The following ASMTL variants were observed in gnomAD, a reference collection of about 807,000 sequenced individuals.
ASMTL encodes the protein probable bifunctional dTTP/UTP pyrophosphatase/methyltransferase protein.
A neutral mutation model predicts 60.3 loss-of-function variants in ASMTL; 57 were observed. That is an observed-to-expected ratio of 0.95 (90% CI 0.76 to 1.18). The LOEUF (loss-of-function observed/expected upper bound fraction) is 1.18, where lower values mean the gene tolerates loss of function less well. Ranked by LOEUF, ASMTL falls within the 50% of genes most tolerant of loss-of-function variation. The pLI, the probability that ASMTL is intolerant of heterozygous loss-of-function variation, is 0.00. For synonymous variants in ASMTL, 419 were observed against 373.0 expected (o/e 1.12, Z -1.42); for missense variants, 981 against 852.6 (o/e 1.15, Z -1.88).
intron 10 of ASMTL, among the ~76,000 whole-genome samples, chrX:1,418,668 C>T (rs1356685046): frequency 2.0e-5 from 3 of 152,092 alleles, no homozygotes; most frequent in African/African-American, 7.2e-5. Context: ...CTGTCCAGGG[C>T]TGGGGTGGGG....
chrX:1,443,931 C>A (rs1423774215), intron 1 of ASMTL, among the ~76,000 whole-genome samples: 2 of 152,236 alleles, frequency 1.3e-5, no homozygotes. Flanking sequence ...GGACAGACAC[C>A]CCCGTCTTGG....
intron 8 of ASMTL, among the ~76,000 whole-genome samples, chrX:1,422,664 G>A (rs773552492): frequency 1.3e-5 from 2 of 152,020 alleles, no homozygotes; most frequent in Admixed American, 6.6e-5. Flanking sequence ...GCACCACTCC[G>A]GTCCTCCTAT....
chrX:1,418,083 C>T lies in ASMTL; in HGVS notation c.1412G>A (p.Arg471His), dbSNP rs187732189. ...CTGALARELAREYPRMQVTVF... is the reference protein window; with the variant it reads ...CTGALARELAHEYPRMQVTVF... ...AGTCACCTGCATACGAGGGTACTCACGGGCCAGCTCTCGGGCCAGTGCACC... is the reference window on the plus strand; with the variant it reads ...AGTCACCTGCATACGAGGGTACTCATGGGCCAGCTCTCGGGCCAGTGCACC... The change falls in exon 11 of 13, where the codon CGT becomes CAT. Residue 471 changes from arginine to histidine, a missense_variant. By Grantham distance (29) the Arg-to-His change is conservative (BLOSUM62 0). Coordinates refer to ENST00000381317, the MANE Select transcript of ASMTL (RefSeq NM_004192.4). 1,194 of 1,611,558 alleles carry T rather than the reference C, an allele frequency of 7.4e-4. 5 individuals carry two copies. The East Asian group carries it at 0.012, about 16-fold the overall frequency.
rs752524232 is a variant in ASMTL, at chrX:1,427,837, G to A, written c.794C>T (p.Ala265Val). ...SRDEKAEAGE[A>V]GQATAEAECH... is the part of the protein sequence containing the mutation. ...CTCAGCCTCTGCCGTGGCCTGTCCC[G>A]CCTCTCCCGCCTCGGCCTTCTCATC... Residue 265 changes from alanine (A) to valine (V), a missense_variant, in exon 7 of 13, where the codon GCG (alanine) becomes GTG (valine). Transcript: ENST00000381317. 2.6e-5 allele frequency: 42 copies of A among 1,613,094 alleles called. 1 individual carries two copies. The Admixed American group carries it at 5.3e-4, about 20-fold the overall frequency.
chrX:1,443,828 G>A (rs373084984), intron 1 of ASMTL, among the ~76,000 whole-genome samples: 7 of 143,714 alleles, frequency 4.9e-5, no homozygotes, highest in East Asian at 2.2e-4. Context: ...GACACACACC[G>A]CCATTTTGGC....
At chrX:1,428,209 G>A in intron 6 of ASMTL, 88 bp from the exon 7 acceptor site, 1 of 1,475,704 alleles carries the variant, frequency 6.8e-7, no homozygotes, top group South Asian at 1.3e-5. Flanking sequence ...GGAGGTGGGT[G>A]GATCACGAGG....
At chrX:1,416,582 CACAG>C (rs1427738390) in intron 11 of ASMTL, among the ~76,000 whole-genome samples, 3 of 107,338 alleles carry the variant, frequency 2.8e-5, no homozygotes, top group Admixed American at 9.9e-5. Context: ...GACGCAGACA[CACAG>C]ACATACACAC....
intron 10 of ASMTL, 126 bp from the exon 11 acceptor site, chrX:1,418,242 A>G: frequency 2.6e-6 from 3 of 1,174,042 alleles, no homozygotes; most frequent in East Asian, 5.2e-5. Flanking sequence ...TGGAAGGGAA[A>G]GCCAGTGGTG....
chrX:1,425,853 T>C (rs5989885), intron 7 of ASMTL, 166 bp from the exon 8 acceptor site: 142,483 of 207,540 alleles, frequency 0.69, 50,018 homozygotes, highest in South Asian at 0.86. Context: ...TCCCCAGCTA[T>C]AAAACAAGGT....
intron 2 of ASMTL, among the ~76,000 whole-genome samples, chrX:1,440,150 G>A (rs58981366): frequency 0.11 from 17,136 of 150,332 alleles, 1,013 homozygotes; most frequent in African/African-American, 0.16. Context: ...GCAGTGGCGC[G>A]ACCTCGGCTC....
intron 9 of ASMTL, among the ~76,000 whole-genome samples, chrX:1,421,429 C>G: frequency 6.6e-6 from 1 of 152,088 alleles, no homozygotes; most frequent in African/African-American, 2.4e-5. Flanking sequence ...GGAGGAAATT[C>G]TATTTTCATC....
rs113030561 is a variant in ASMTL at position 1,410,329 on chromosome X, C to G, written c.1645+2403G>C. Among the ~76,000 whole-genome samples the G allele has an allele frequency of 9.8e-4, 139 of 142,144 alleles. 1 individual carries two copies. Among genetic ancestry groups the G allele is most frequent in the Admixed American group, 2.2e-3 (30 of 13,556 alleles). 93.3% of individuals were successfully genotyped at this position (142,144 alleles called of 152,430 possible). ...GCTGAGGCAGGAGGATCGCTTGAGC[C>G]CAGGAGGTCAAGGCTGCAGTGAACT... is the stretch of plus-strand genomic sequence containing the variant. On this transcript the variant is annotated intron_variant, in intron 12 of 12. Transcript: ENST00000381317.
At chrX:1,416,749 GCACA>G (rs1244524446) in intron 11 of ASMTL, among the ~76,000 whole-genome samples, 2 of 128,700 alleles carry the variant, frequency 1.6e-5, no homozygotes, top group African/African-American at 2.9e-5. Context: ...AGTCAGTCAT[GCACA>G]CACAGACACA....
At chrX:1,420,163 CTA>C (rs1417746290) in intron 9 of ASMTL, among the ~76,000 whole-genome samples, 4 of 151,776 alleles carry the variant, frequency 2.6e-5, no homozygotes, top group East Asian at 1.9e-4. Flanking sequence ...TTCTGTCTCC[CTA>C]TCTCTGTCTC....
At position 1,421,760 on chromosome X, in the gene ASMTL, A is replaced by G; in HGVS notation, c.1143T>C (p.Asn381=). 6.2e-7 allele frequency: 1 copy of G among 1,613,868 alleles called. No individual in the cohort carries two copies. The highest frequency in any genetic ancestry group is 8.5e-7 in the Non-Finnish European group (1 of 1,179,832). Residue 381 remains asparagine (N), a synonymous_variant, in exon 9 of 13, where the codon AAT becomes AAC. Transcript: ENST00000381317. ...ATGTAAAGAGGTTCCATGTGAGGTC[A>G]TTATTGTGCATGATGAAGCCGTGCA... ...YSLHGFIMHN[N]DLTWNLFTYL...
At chrX:1,453,517 C>T (rs1226578489), upstream of ASMTL, 42 of 155,530 alleles carry the variant, frequency 2.7e-4, no homozygotes, top group Non-Finnish European at 4.1e-4. Context: ...GAAAGGCTGG[C>T]GTGGATACTT....
At chrX:1,416,770 C>T (rs2090292905) in intron 11 of ASMTL, among the ~76,000 whole-genome samples, 1 of 78,738 alleles carries the variant, frequency 1.3e-5, no homozygotes. Flanking sequence ...CACATGCACA[C>T]ACAGACGTAC....
chrX:1,407,050 A>AC (rs2089884031), intron 12 of ASMTL, among the ~76,000 whole-genome samples: 2 of 150,740 alleles, frequency 1.3e-5, no homozygotes, highest in South Asian at 4.2e-4. Context: ...AGGTAGATGG[A>AC]TGGATGGATG....
chrX:1,435,825 G>A (rs1411145168), intron 3 of ASMTL, 67 bp from the exon 4 acceptor site: 4 of 1,343,292 alleles, frequency 3.0e-6, no homozygotes, highest in African/African-American at 2.9e-5. Context: ...AAGTCCCACG[G>A]TCCCATTCGC....
Sources: gnomAD v4.1 joint callset for allele counts (sites outside exome capture counted in the v4.1 genomes callset) on GRCh38, gnomAD v4.1.1 for gene constraint, MANE v1.5 for transcripts, NCBI Gene and HGNC (gene_info 2026-07-23, HGNC 2026-07-21) for gene names.